Variants in CEP120 observed in about 807,000 individuals in gnomAD.
CEP120 encodes the protein centrosomal protein of 120 kDa.
A neutral mutation model predicts 126.5 loss-of-function variants in CEP120; 113 were observed. The ratio of observed to expected loss-of-function variants is 0.89; its 90% CI spans 0.77 to 1.04. The LOEUF (loss-of-function observed/expected upper bound fraction) is 1.04, where lower values mean the gene tolerates loss of function less well. Among genes scored for constraint, CEP120 ranks in the 50% least tolerant of loss-of-function variants. CEP120 has a pLI of 0.00. For missense variants in CEP120, 1,230 were observed against 1,155.7 expected (o/e 1.06, Z -0.93); for synonymous variants, 400 against 394.3 (o/e 1.01, Z -0.17).
At chr5:123,389,551 A>G (rs1009128202) in intron 8 of CEP120, among the ~76,000 whole-genome samples, 1 of 152,154 alleles carries the variant, frequency 6.6e-6, no homozygotes, top group African/African-American at 2.4e-5. Flanking sequence ...CCCAGGCTGG[A>G]GTGCAATGGC....
intron 5 of CEP120, among the ~76,000 whole-genome samples, chr5:123,396,167 A>T (rs924406558): frequency 6.6e-6 from 1 of 152,054 alleles, no homozygotes; most frequent in Non-Finnish European, 1.5e-5. Flanking sequence ...ATTTAATTGT[A>T]TAGATATGCC....
intron 9 of CEP120, 100 bp downstream of exon 9, chr5:123,388,332 G>T: frequency 1.3e-6 from 1 of 785,770 alleles, no homozygotes; most frequent in Non-Finnish European, 1.9e-6. Flanking sequence ...TTTAACAAAT[G>T]TTATAACTTC....
chr5:123,358,150 T>A (rs1237842640), intron 18 of CEP120: 2 of 152,000 alleles, frequency 1.3e-5, no homozygotes, highest in African/African-American at 4.8e-5. Context: ...CATACAAAAC[T>A]AAGCAATGTT....
At chr5:123,390,249 G>T (rs764529402) in intron 7 of CEP120, 109 bp from the exon 8 acceptor site, 1 of 841,898 alleles carries the variant, frequency 1.2e-6, no homozygotes, top group Non-Finnish European at 1.9e-6. Context: ...TCCCAGTTTG[G>T]ATATTCCTAG....
chr5:123,423,326 A>T lies in CEP120; in HGVS notation c.-328T>A. The T allele has an allele frequency of 2.9e-6, 1 of 344,760 alleles. No individual in the cohort carries two copies. Among genetic ancestry groups the T allele is most frequent in the Non-Finnish European group, 5.3e-6 (1 of 187,772 alleles). 21.4% of individuals were successfully genotyped at this position (344,760 alleles called of 1,614,324 possible). On this transcript the variant is annotated 5_prime_UTR_variant, in exon 1 of 20. Transcript: ENST00000306467. ...GCTTTTCAAACGCCCGGGCGGCCGC[A>T]GCGGCCGCCGCCGCGCCCAGCTTCC...
intron 4 of CEP120, chr5:123,401,869 G>T: frequency 6.5e-7 from 1 of 1,548,194 alleles, no homozygotes; most frequent in Non-Finnish European, 8.9e-7. Context: ...TCCAGCTTCA[G>T]TTTCTCCTAG....
At chr5:123,413,761 C>T (rs928935202) in intron 3 of CEP120, among the ~76,000 whole-genome samples, 2 of 152,052 alleles carry the variant, frequency 1.3e-5, no homozygotes, top group Non-Finnish European at 2.9e-5. Flanking sequence ...AATCAACAAC[C>T]TAATTTTTTA....
At chr5:123,412,172 T>C (rs926626562) in intron 4 of CEP120, among the ~76,000 whole-genome samples, 3 of 152,228 alleles carry the variant, frequency 2.0e-5, no homozygotes, top group Non-Finnish European at 4.4e-5. Flanking sequence ...CTATACAAAA[T>C]TGTGCTTTGT....
chr5:123,360,428 C>G (rs1769990262), intron 18 of CEP120, among the ~76,000 whole-genome samples: 1 of 151,810 alleles, frequency 6.6e-6, no homozygotes, highest in Admixed American at 6.6e-5. Flanking sequence ...AGTGTTGCCT[C>G]TAAAGCAGAA....
Position 123,393,335 on chromosome 5 carries a change from G to T in CEP120, c.775C>A (p.Leu259Ile). Residue 259 changes from leucine (L) to isoleucine (I), a missense_variant, in exon 6 of 20, where the codon CTT (leucine) becomes ATT (isoleucine). Coordinates refer to ENST00000306467, the MANE Select transcript of CEP120 (RefSeq NM_001375405.1). ...GACTGAAGAGCCAGGTAAACACGAA[G>T]AATTTCTACACTGCTACGGATGCGA... ...SVRIRSSVEI[L>I]RVYLALQSKL... 1.2e-6 allele frequency: 2 copies of T among 1,614,134 alleles called. No individual in the cohort carries two copies. The highest frequency in any genetic ancestry group is 4.5e-5 in the East Asian group (2 of 44,870).
intron 19 of CEP120, among the ~76,000 whole-genome samples, chr5:123,347,760 C>G (rs1379078926): frequency 3.3e-5 from 5 of 152,150 alleles, no homozygotes; most frequent in African/African-American, 4.8e-5. Flanking sequence ...ATCTGCCCAC[C>G]TCAGCCTCTC....
chr5:123,395,508 C>G (rs186434097), intron 5 of CEP120, among the ~76,000 whole-genome samples: 1 of 152,246 alleles, frequency 6.6e-6, no homozygotes, highest in East Asian at 1.9e-4. Context: ...ACCATCCATA[C>G]TCTCCTGCCC....
At chr5:123,364,825 A>C (rs1446602420) in intron 17 of CEP120, among the ~76,000 whole-genome samples, 1 of 151,600 alleles carries the variant, frequency 6.6e-6, no homozygotes, top group East Asian at 1.9e-4. Context: ...AAAAGAACTG[A>C]ATTAGTCTTA....
intron 1 of CEP120, among the ~76,000 whole-genome samples, chr5:123,422,199 T>A (rs1209668298): frequency 6.6e-6 from 1 of 152,218 alleles, no homozygotes; most frequent in South Asian, 2.1e-4. Context: ...TTGCCTGGAA[T>A]GCCCTTCCTT....
chr5:123,390,354 C>T (rs1168182810), intron 7 of CEP120: 3 of 627,336 alleles, frequency 4.8e-6, no homozygotes, highest in Admixed American at 4.2e-5. Context: ...GAGCTGAATA[C>T]CAAAATGCAT....
intron 6 of CEP120, among the ~76,000 whole-genome samples, chr5:123,392,432 G>A (rs117248126): frequency 3.0e-4 from 45 of 152,210 alleles, no homozygotes; most frequent in Middle Eastern, 3.4e-3. Context: ...GTATCTAAGC[G>A]TATACAACAC....
intron 19 of CEP120, among the ~76,000 whole-genome samples, chr5:123,349,086 G>T (rs1294750079): frequency 6.6e-6 from 1 of 152,042 alleles, no homozygotes; most frequent in Non-Finnish European, 1.5e-5. Flanking sequence ...AAAAAGACTA[G>T]AATTCATTTT....
intron 17 of CEP120, 60 bp downstream of exon 17, chr5:123,372,586 TATTG>T (rs1770925119): frequency 2.4e-5 from 35 of 1,455,084 alleles, no homozygotes; most frequent in Non-Finnish European, 3.3e-5. Flanking sequence ...GTATACACAT[TATTG>T]ATTGATTTTA....
intron 16 of CEP120, among the ~76,000 whole-genome samples, chr5:123,376,745 T>A (rs1401584080): frequency 6.6e-6 from 1 of 152,022 alleles, no homozygotes; most frequent in African/African-American, 2.4e-5. Flanking sequence ...AAAGGTAAGG[T>A]CTTGGATATG....
Sources: allele counts gnomAD v4.1 joint callset (sites outside exome capture counted in the v4.1 genomes callset), GRCh38; gene constraint gnomAD v4.1.1; transcripts MANE v1.5; gene names NCBI Gene and HGNC (gene_info 2026-07-23, HGNC 2026-07-21).